The following ST8SIA1 variants were observed in gnomAD, a reference collection of about 807,000 sequenced individuals.
ST8SIA1 encodes the protein alpha-N-acetylneuraminide alpha-2,8-sialyltransferase.
In ST8SIA1, 16 loss-of-function variants were observed where a neutral mutation model predicts 35.9. The ratio of observed to expected loss-of-function variants is 0.45; its 90% CI spans 0.30 to 0.68. The LOEUF (loss-of-function observed/expected upper bound fraction) is 0.68. ST8SIA1 is among the 30% of genes least tolerant of loss of function. The pLI is 0.09. For missense variants in ST8SIA1, 383 were observed against 453.6 expected (o/e 0.84, Z 1.41); for synonymous variants, 170 against 169.6 (o/e 1.00, Z -0.02).
At chr12:22,213,979 T>A (rs1865204901) in intron 4 of ST8SIA1, among the ~76,000 whole-genome samples, 1 of 152,206 alleles carries the variant, frequency 6.6e-6, no homozygotes, top group African/African-American at 2.4e-5. Context: ...GGGGATTGAA[T>A]GGCTTGGATT....
intron 1 of ST8SIA1, among the ~76,000 whole-genome samples, chr12:22,299,522 G>A (rs1053698015): frequency 6.6e-6 from 1 of 151,954 alleles, no homozygotes; most frequent in African/African-American, 2.4e-5. Flanking sequence ...ATAAGAGGCT[G>A]TATTAAAAAA....
chr12:22,276,421 AG>A (rs1024640860), intron 2 of ST8SIA1, among the ~76,000 whole-genome samples: 1 of 152,174 alleles, frequency 6.6e-6, no homozygotes, highest in African/African-American at 2.4e-5. Flanking sequence ...TGCAAGTGAC[AG>A]GGGCTGAGAG....
At chr12:22,217,224 G>C (rs1404777456) in intron 4 of ST8SIA1, among the ~76,000 whole-genome samples, 1 of 151,926 alleles carries the variant, frequency 6.6e-6, no homozygotes, top group Non-Finnish European at 1.5e-5. Context: ...TCTCCCTTTT[G>C]AACTTCTCAG....
chr12:22,232,185 G>A (rs1865428663), intron 4 of ST8SIA1, among the ~76,000 whole-genome samples: 1 of 152,186 alleles, frequency 6.6e-6, no homozygotes, highest in African/African-American at 2.4e-5. Context: ...ATATGAAAGT[G>A]GTTTTGCAGC....
At chr12:22,325,352 A>G (rs1565597264) in intron 1 of ST8SIA1, 1 of 688,182 alleles carries the variant, frequency 1.5e-6, no homozygotes, top group Non-Finnish European at 2.6e-6. Context: ...AAGATCTGAA[A>G]AATGGAGAAT....
At chr12:22,282,917 A>G (rs1025544270) in intron 2 of ST8SIA1, among the ~76,000 whole-genome samples, 2 of 152,224 alleles carry the variant, frequency 1.3e-5, no homozygotes, top group Non-Finnish European at 2.9e-5. Context: ...ATTTTATTAA[A>G]AGAAAAAAAA....
At chr12:22,208,082 G>C (rs954497626) in intron 4 of ST8SIA1, among the ~76,000 whole-genome samples, 3 of 149,342 alleles carry the variant, frequency 2.0e-5, no homozygotes, top group Non-Finnish European at 4.4e-5. Context: ...GGAGGTTGCA[G>C]TGAGCCAAAA....
chr12:22,325,543 C>T, intron 1 of ST8SIA1: 1 of 697,586 alleles, frequency 1.4e-6, no homozygotes, highest in South Asian at 1.5e-5. Context: ...AACTGTAAGC[C>T]TTGGAACCCC....
chr12:22,249,447 C>G (rs1865643601), intron 3 of ST8SIA1, among the ~76,000 whole-genome samples: 1 of 152,140 alleles, frequency 6.6e-6, no homozygotes, highest in Non-Finnish European at 1.5e-5. Context: ...GTCTCGATCT[C>G]CTGACCTTGT....
intron 4 of ST8SIA1, among the ~76,000 whole-genome samples, chr12:22,204,417 C>T (rs145721939): frequency 1.6e-3 from 248 of 152,318 alleles, no homozygotes; most frequent in African/African-American, 5.6e-3. Context: ...GCTACATTCT[C>T]ATTCTGTCAT....
chr12:22,247,793 G>T (rs1386537184), intron 4 of ST8SIA1, among the ~76,000 whole-genome samples: 1 of 151,732 alleles, frequency 6.6e-6, no homozygotes, highest in African/African-American at 2.4e-5. Flanking sequence ...TATGTGACAG[G>T]CTAGAATAAA....
intron 2 of ST8SIA1, among the ~76,000 whole-genome samples, chr12:22,276,754 GTAGATTTTATTTT>G (rs768722480): frequency 1.8e-4 from 28 of 151,832 alleles, no homozygotes; most frequent in Non-Finnish European, 3.8e-4. Flanking sequence ...TATTTTTCTT[GTAGATTTTATTTT>G]TAATTTATGT....
At chr12:22,262,763 G>A (rs559671928) in intron 2 of ST8SIA1, among the ~76,000 whole-genome samples, 1 of 152,284 alleles carries the variant, frequency 6.6e-6, no homozygotes, top group African/African-American at 2.4e-5. Context: ...TAAGTTACAA[G>A]AGCCTTTGTG....
chr12:22,203,394 C>T (rs1187922626), intron 4 of ST8SIA1, among the ~76,000 whole-genome samples: 1 of 152,176 alleles, frequency 6.6e-6, no homozygotes, highest in Admixed American at 6.5e-5. Context: ...GCAGGCTCAT[C>T]ATAATTATGT....
chr12:22,214,515 A>G (rs1458666620), intron 4 of ST8SIA1, among the ~76,000 whole-genome samples: 1 of 69,794 alleles, frequency 1.4e-5, no homozygotes, highest in Non-Finnish European at 3.1e-5. Flanking sequence ...TAAGGATTTC[A>G]AGTTAAAAAG....
At chr12:22,241,293 T>C (rs997487054) in intron 4 of ST8SIA1, among the ~76,000 whole-genome samples, 3 of 152,100 alleles carry the variant, frequency 2.0e-5, no homozygotes, top group African/African-American at 7.2e-5. Flanking sequence ...TGGGAGGTGA[T>C]TGGATTATGG....
chr12:22,232,574 A>G (rs1057050549), intron 4 of ST8SIA1, among the ~76,000 whole-genome samples: 2 of 152,204 alleles, frequency 1.3e-5, no homozygotes, highest in South Asian at 2.1e-4. Flanking sequence ...AGTTAGGTAT[A>G]TGAGTCTGGA....
chr12:22,252,127 A>G (rs1865678161), intron 3 of ST8SIA1, among the ~76,000 whole-genome samples: 1 of 152,344 alleles, frequency 6.6e-6, no homozygotes, highest in South Asian at 2.1e-4. Context: ...GATTTTCAGC[A>G]CTAGAAGATG....
chr12:22,208,238 T>C (rs745398910), intron 4 of ST8SIA1, among the ~76,000 whole-genome samples: 17 of 150,854 alleles, frequency 1.1e-4, no homozygotes, highest in Non-Finnish European at 2.1e-4. Context: ...GTCAACAACA[T>C]AAAAATACAC....
Sources: gnomAD v4.1 joint callset for allele counts (sites outside exome capture counted in the v4.1 genomes callset) on GRCh38, gnomAD v4.1.1 for gene constraint, MANE v1.5 for transcripts, NCBI Gene and HGNC (gene_info 2026-07-23, HGNC 2026-07-21) for gene names.